KIT: variants seen among roughly 807,000 people sequenced by gnomAD.
The protein encoded by KIT is mast/stem cell growth factor receptor Kit.
Under a neutral mutation model 105.7 loss-of-function variants are expected in KIT, and 16 were observed. The observed-to-expected ratio is 0.15, with a 90% CI of 0.10 to 0.23. The LOEUF (loss-of-function observed/expected upper bound fraction) is 0.23, where lower values mean the gene tolerates loss of function less well. Among genes scored for constraint, KIT ranks in the 10% least tolerant of loss-of-function variants. The pLI, the probability that KIT is intolerant of heterozygous loss-of-function variation, is 1.00. For synonymous variants in KIT, 438 were observed against 441.1 expected (o/e 0.99, Z 0.09); for missense variants, 858 against 1,213.8 (o/e 0.71, Z 4.36).
chr4:54,683,795 C>A (rs1719114249), intron 1 of KIT, among the ~76,000 whole-genome samples: 1 of 152,130 alleles, frequency 6.6e-6, no homozygotes, highest in South Asian at 2.1e-4. Flanking sequence ...AGGGCATCTT[C>A]TTTTGCCACC....
chr4:54,716,076 C>G (rs1721475644), intron 7 of KIT, among the ~76,000 whole-genome samples: 1 of 152,192 alleles, frequency 6.6e-6, no homozygotes, highest in Non-Finnish European at 1.5e-5. Context: ...CGCGTCCAAA[C>G]CATACTTGTG....
chr4:54,714,710 G>A (rs1431777813), intron 7 of KIT, among the ~76,000 whole-genome samples: 1 of 152,140 alleles, frequency 6.6e-6, no homozygotes, highest in Non-Finnish European at 1.5e-5. Flanking sequence ...TTCCAGGGCG[G>A]TATTATGCAT....
intron 1 of KIT, among the ~76,000 whole-genome samples, chr4:54,685,657 C>G (rs548219182): frequency 3.8e-4 from 58 of 152,298 alleles, no homozygotes; most frequent in African/African-American, 1.4e-3. Flanking sequence ...GAGGAGGCCT[C>G]CGGGGGTTCT....
intron 1 of KIT, among the ~76,000 whole-genome samples, chr4:54,677,421 T>C (rs1718559665): frequency 6.6e-6 from 1 of 152,208 alleles, no homozygotes; most frequent in Non-Finnish European, 1.5e-5. Flanking sequence ...TGAGTATCAG[T>C]ATTTCAGGGA....
chr4:54,671,629 TA>T (rs1309418635), intron 1 of KIT, among the ~76,000 whole-genome samples: 1 of 152,192 alleles, frequency 6.6e-6, no homozygotes, highest in Non-Finnish European at 1.5e-5. Flanking sequence ...TACATTTAAG[TA>T]AACCCTATTT....
At chr4:54,706,607 G>A (rs554813784) in intron 5 of KIT, among the ~76,000 whole-genome samples, 1 of 152,064 alleles carries the variant, frequency 6.6e-6, no homozygotes, top group South Asian at 2.1e-4. Flanking sequence ...TTGTTAAAAT[G>A]CTCTTTGATT....
chr4:54,704,068 A>T (rs1050035357), intron 5 of KIT, among the ~76,000 whole-genome samples, 176 bp downstream of exon 5: 1 of 152,222 alleles, frequency 6.6e-6, no homozygotes, highest in Non-Finnish European at 1.5e-5. Context: ...ACCAAATTCT[A>T]CCAGTTTAGT....
chr4:54,702,049 C>T (rs1720487791), intron 4 of KIT, among the ~76,000 whole-genome samples: 1 of 152,134 alleles, frequency 6.6e-6, no homozygotes, highest in African/African-American at 2.4e-5. Flanking sequence ...CCTAAGATCT[C>T]ACGATTAGTT....
At chr4:54,673,842 CAG>C (rs1384295288) in intron 1 of KIT, among the ~76,000 whole-genome samples, 1 of 150,834 alleles carries the variant, frequency 6.6e-6, no homozygotes, top group African/African-American at 2.4e-5. Flanking sequence ...ATTTTTGAGA[CAG>C]AGTCTTGCTC....
intron 1 of KIT, among the ~76,000 whole-genome samples, chr4:54,682,235 A>G (rs760560023): frequency 2.1e-4 from 32 of 151,402 alleles, no homozygotes; most frequent in Non-Finnish European, 4.1e-4. Flanking sequence ...GAGTACAGGC[A>G]CATGCCACCA....
At chr4:54,704,501 C>A (rs893232729) in intron 5 of KIT, among the ~76,000 whole-genome samples, 1 of 152,046 alleles carries the variant, frequency 6.6e-6, no homozygotes, top group African/African-American at 2.4e-5. Flanking sequence ...GGTAATCTGT[C>A]CCCGGACCCC....
chr4:54,724,466 T>C (rs1170090740), intron 8 of KIT, among the ~76,000 whole-genome samples: 1 of 152,016 alleles, frequency 6.6e-6, no homozygotes, highest in Admixed American at 6.6e-5. Flanking sequence ...TTTAGGAGAG[T>C]GTTTTCTTTT....
At chr4:54,722,057 C>G (rs545462685) in intron 7 of KIT, among the ~76,000 whole-genome samples, 1 of 152,164 alleles carries the variant, frequency 6.6e-6, no homozygotes. Context: ...TGCAGTGGTG[C>G]TCACTGCAAC....
intron 7 of KIT, among the ~76,000 whole-genome samples, chr4:54,713,917 G>C (rs1177476628): frequency 1.3e-5 from 2 of 152,106 alleles, no homozygotes; most frequent in Admixed American, 1.3e-4. Flanking sequence ...AACTGACTCA[G>C]TGACATTTAA....
intron 2 of KIT, among the ~76,000 whole-genome samples, chr4:54,697,734 T>C (rs1720168228): frequency 6.6e-6 from 1 of 152,164 alleles, no homozygotes; most frequent in South Asian, 2.1e-4. Context: ...GGTGAGAGTT[T>C]TCTGGATTCT....
chr4:54,738,277 A>T lies in KIT; in HGVS notation c.2803-152A>T, dbSNP rs1260526727. 6 of 863,782 alleles carry T rather than the reference A, an allele frequency of 6.9e-6. No homozygotes were observed. The Admixed American group carries it at 1.1e-4, about 15-fold the overall frequency. 53.5% of individuals were successfully genotyped at this position (863,782 alleles called of 1,614,324 possible). On this transcript the variant is annotated intron_variant, in intron 20 of 20. Coordinates refer to ENST00000288135, the MANE Select transcript of KIT (RefSeq NM_000222.3). The stretch of plus-strand genomic sequence containing the variant: ...CAAAGCTTATATTTGTTTTGTCAGT[A>T]TGACTTGGGTTTTGGCCACAAAGTT...
chr4:54,673,473 T>G (rs1242601351), intron 1 of KIT, among the ~76,000 whole-genome samples: 1 of 152,238 alleles, frequency 6.6e-6, no homozygotes, highest in Non-Finnish European at 1.5e-5. Context: ...TTTTTAATTC[T>G]TAGTTCTTTT....
At chr4:54,664,152 TAAAG>T (rs1717505951) in intron 1 of KIT, among the ~76,000 whole-genome samples, 2 of 152,132 alleles carry the variant, frequency 1.3e-5, no homozygotes, top group Admixed American at 6.6e-5. Flanking sequence ...TTCTGAACCT[TAAAG>T]GAAGAGGGCA....
chr4:54,698,062 T>A (rs1200204579), intron 2 of KIT, among the ~76,000 whole-genome samples: 1 of 152,100 alleles, frequency 6.6e-6, no homozygotes, highest in African/African-American at 2.4e-5. Flanking sequence ...TTAAATGAGA[T>A]TAAGTGTAAT....
Sources: gnomAD v4.1 joint callset for allele counts (sites outside exome capture counted in the v4.1 genomes callset) on GRCh38, gnomAD v4.1.1 for gene constraint, MANE v1.5 for transcripts, NCBI Gene and HGNC (gene_info 2026-07-23, HGNC 2026-07-21) for gene names.